The following RRP15 variants were observed in gnomAD, a reference collection of about 807,000 sequenced individuals.
The protein encoded by RRP15 is ribosomal RNA processing 15 homolog, also known as RRP15-like protein.
A neutral mutation model predicts 27.1 loss-of-function variants in RRP15; 18 were observed. The observed-to-expected ratio is 0.66, with a 90% CI of 0.46 to 0.98. RRP15 has a LOEUF of 0.98. Among genes scored for constraint, RRP15 ranks in the 50% least tolerant of loss-of-function variants. RRP15 has a pLI of 0.00. For missense variants in RRP15, 359 were observed against 337.8 expected, an observed-to-expected ratio of 1.06 and a Z score of -0.49; for synonymous variants, 107 against 109.4, an observed-to-expected ratio of 0.98 and a Z score of 0.14.
At chr1:218,323,017 G>A (rs1239286006) in intron 4 of RRP15, among the ~76,000 whole-genome samples, 1 of 152,190 alleles carries the variant, frequency 6.6e-6, no homozygotes. Flanking sequence ...TGGACCAGGT[G>A]TACTGTAAGC....
chr1:218,295,540 A>G (rs922275727), intron 1 of RRP15, among the ~76,000 whole-genome samples: 1 of 152,232 alleles, frequency 6.6e-6, no homozygotes, highest in African/African-American at 2.4e-5. Context: ...CTTGATAACA[A>G]TTCAGGTTAG....
chr1:218,318,696 C>A (rs763130387), intron 4 of RRP15, among the ~76,000 whole-genome samples: 1 of 151,838 alleles, frequency 6.6e-6, no homozygotes, highest in East Asian at 1.9e-4. Context: ...CAGAATGTTT[C>A]GTGCTAGTGA....
intron 4 of RRP15, among the ~76,000 whole-genome samples, chr1:218,310,178 C>T (rs1490694761): frequency 2.0e-5 from 3 of 152,192 alleles, no homozygotes; most frequent in Non-Finnish European, 4.4e-5. Context: ...AGCTATTGTA[C>T]TCTTTCCTCA....
chr1:218,331,225 T>G lies in RRP15; in HGVS notation c.*134T>G. The G allele has an allele frequency of 1.4e-6, 1 of 706,388 alleles. No individual in the cohort carries two copies. The highest frequency in any genetic ancestry group is 2.4e-5 in the South Asian group (1 of 42,044). 43.8% of individuals were successfully genotyped at this position (706,388 alleles called of 1,614,324 possible). A position where few individuals can be genotyped will look rare whatever the true frequency, so the allele number is the denominator to read the frequency against. On this transcript the variant is annotated 3_prime_UTR_variant, in exon 5 of 5. Coordinates refer to ENST00000366932, the MANE Select transcript of RRP15 (RefSeq NM_016052.4). ...CTTTTGCCAGATTTCATATTTCCCC[T>G]TTTCATGTACACTTTATATATACTT...
At chr1:218,296,600 T>C (rs944645687) in intron 1 of RRP15, among the ~76,000 whole-genome samples, 1 of 151,424 alleles carries the variant, frequency 6.6e-6, no homozygotes, top group Non-Finnish European at 1.5e-5. Context: ...GCTAAGATTC[T>C]GTCACTATAC....
chr1:218,323,995 T>A (rs1489285344), intron 4 of RRP15, among the ~76,000 whole-genome samples: 2 of 152,126 alleles, frequency 1.3e-5, no homozygotes, highest in African/African-American at 2.4e-5. Context: ...AGCCGGGACT[T>A]GGGTTGCTGC....
rs1384376601 is a variant in RRP15, at chr1:218,335,371, ACT to A, written c.*4283_*4284del. 1 of 152,028 alleles carries A rather than the reference ACT, an allele frequency of 6.6e-6. No homozygotes were observed. Among genetic ancestry groups the A allele is most frequent in the Non-Finnish European group, 1.5e-5 (1 of 68,016 alleles). 9.4% of individuals were successfully genotyped at this position (152,028 alleles called of 1,614,324 possible). A position where few individuals can be genotyped will look rare whatever the true frequency, so the allele number is the denominator to read the frequency against. On this transcript the variant is annotated 3_prime_UTR_variant, in exon 5 of 5. Transcript: ENST00000366932. Reference sequence around the variant, plus strand: ...GCACATATTCAGCTTTCTGTTAAACACTCTTTGGTTTTCAACTGAGTAAGGCA... The same window carrying A: ...GCACATATTCAGCTTTCTGTTAAACACTTTGGTTTTCAACTGAGTAAGGCA...
chr1:218,298,242 A>G (rs546085912), intron 1 of RRP15, among the ~76,000 whole-genome samples: 1 of 152,264 alleles, frequency 6.6e-6, no homozygotes, highest in African/African-American at 2.4e-5. Flanking sequence ...TGTCATTCAA[A>G]TTCTTGCATT....
At chr1:218,285,973 A>G (rs930292395) in intron 1 of RRP15, among the ~76,000 whole-genome samples, 2 of 152,178 alleles carry the variant, frequency 1.3e-5, no homozygotes, top group Non-Finnish European at 2.9e-5. Flanking sequence ...TGTCTCTCAG[A>G]GACGCTTGAT....
chr1:218,309,507 A>G (rs1323980171), intron 4 of RRP15, among the ~76,000 whole-genome samples: 2 of 152,002 alleles, frequency 1.3e-5, no homozygotes, highest in African/African-American at 4.8e-5. Context: ...ACATGGTGAA[A>G]CACTGTCTCT....
At chr1:218,289,003 T>A (rs1419006467) in intron 1 of RRP15, among the ~76,000 whole-genome samples, 4 of 152,168 alleles carry the variant, frequency 2.6e-5, no homozygotes, top group African/African-American at 9.6e-5. Context: ...CTACCCCAAT[T>A]TCCTCATCTA....
chr1:218,296,119 G>T lies in RRP15; in HGVS notation c.140-6175G>T, dbSNP rs1389395620. On this transcript the variant is annotated intron_variant, in intron 1 of 4. Transcript: ENST00000366932. ...GAGCAGACTGTTCAGCTTAACTGAGGCTTAGATAGAAATTTTTTAAATTCA... is the reference window on the plus strand; with the variant it reads ...GAGCAGACTGTTCAGCTTAACTGAGTCTTAGATAGAAATTTTTTAAATTCA... Among the ~76,000 whole-genome samples the T allele has an allele frequency of 2.6e-5, 4 of 152,012 alleles. No homozygotes were observed. The East Asian group carries it at 5.8e-4, about 22-fold the overall frequency.
At chr1:218,321,073 T>G (rs187286264) in intron 4 of RRP15, among the ~76,000 whole-genome samples, 6 of 152,310 alleles carry the variant, frequency 3.9e-5, no homozygotes, top group Admixed American at 3.3e-4. Flanking sequence ...GTGAGATGAA[T>G]GTGTAATTCC....
Position 218,307,594 on chromosome 1 carries a change from G to A in RRP15, c.667G>A (p.Glu223Lys), listed in dbSNP as rs1558206499. The change falls in exon 4 of 5, where the codon GAG (glutamate) becomes AAG (lysine). Residue 223 changes from glutamate (E) to lysine (K), a missense_variant. By Grantham distance (56) the Glu-to-Lys change is moderately conservative. Coordinates refer to ENST00000366932, the MANE Select transcript of RRP15 (RefSeq NM_016052.4). Reference protein sequence around the residue: ...VLRGMDGSTNETASSRKKPKA... With the variant: ...VLRGMDGSTNKTASSRKKPKA... ...GAGAGGGATGGATGGAAGTACAAAT[G>A]AGACTGCTTCAAGCAGGAAGAAACC... 2.0e-5 allele frequency: 32 copies of A among 1,613,966 alleles called. No individual in the cohort carries two copies. The highest frequency in any genetic ancestry group is 2.6e-5 in the Non-Finnish European group (31 of 1,179,952).
At chr1:218,305,533 C>G (rs1456197925) in intron 3 of RRP15, among the ~76,000 whole-genome samples, 1 of 152,102 alleles carries the variant, frequency 6.6e-6, no homozygotes, top group African/African-American at 2.4e-5. Flanking sequence ...TCATTGGCAC[C>G]AAACGTTTAC....
At position 218,335,922 on chromosome 1, in the gene RRP15, TAAC is replaced by T. The variant is rs985925927; in HGVS notation, c.*4834_*4836del. On this transcript the variant is annotated 3_prime_UTR_variant, in exon 5 of 5. Coordinates refer to ENST00000366932, the MANE Select transcript of RRP15 (RefSeq NM_016052.4). ...CTTAAATGTTAAGCCACTTAGTTAATAACAAATAGCATTTGGTTTTTTAGCATT... is the reference window on the plus strand; with the variant it reads ...CTTAAATGTTAAGCCACTTAGTTAATAAATAGCATTTGGTTTTTTAGCATT... The T allele has an allele frequency of 6.6e-6, 1 of 152,234 alleles. No homozygotes were observed. Among genetic ancestry groups the T allele is most frequent in the Admixed American group, 6.5e-5 (1 of 15,284 alleles). 9.4% of individuals were successfully genotyped at this position (152,234 alleles called of 1,614,324 possible).
chr1:218,297,522 A>C (rs1290219570), intron 1 of RRP15, among the ~76,000 whole-genome samples: 1 of 152,200 alleles, frequency 6.6e-6, no homozygotes, highest in Non-Finnish European at 1.5e-5. Flanking sequence ...AGATGAAGAA[A>C]CTAAGACAGA....
At chr1:218,301,972 C>T in intron 1 of RRP15, 1 of 268,948 alleles carries the variant, frequency 3.7e-6, no homozygotes, top group Non-Finnish European at 7.0e-6. Flanking sequence ...TACCTTGCAC[C>T]AACTCCATGC....
At chr1:218,289,320 A>G (rs1655597541) in intron 1 of RRP15, among the ~76,000 whole-genome samples, 2 of 152,224 alleles carry the variant, frequency 1.3e-5, no homozygotes, top group Non-Finnish European at 2.9e-5. Flanking sequence ...GAAGCTTGGA[A>G]ATAGTGCTTC....
Sources: allele counts gnomAD v4.1 joint callset (sites outside exome capture counted in the v4.1 genomes callset), GRCh38; gene constraint gnomAD v4.1.1; transcripts MANE v1.5; gene names NCBI Gene and HGNC (gene_info 2026-07-23, HGNC 2026-07-21).